Variants in RPS6KA2 observed in about 807,000 individuals in gnomAD.
RPS6KA2 encodes the protein ribosomal protein S6 kinase alpha-2.
Under a neutral mutation model 91.8 loss-of-function variants are expected in RPS6KA2, and 42 were observed. The observed-to-expected ratio is 0.46, with a 90% CI of 0.36 to 0.59. RPS6KA2 has a LOEUF of 0.59. Ranked by LOEUF, RPS6KA2 falls within the 20% of genes least tolerant of loss-of-function variation. RPS6KA2 has a pLI of 0.00. For synonymous variants in RPS6KA2, 414 were observed against 393.6 expected (o/e 1.05, Z -0.61); for missense variants, 798 against 978.5 (o/e 0.82, Z 2.46).
At chr6:166,613,888 C>CGGGCTTTCCATGGCCTTCAGGACACAGTT (rs1786296373) in intron 1 of RPS6KA2, among the ~76,000 whole-genome samples, 1 of 151,252 alleles carries the variant, frequency 6.6e-6, no homozygotes, top group Admixed American at 6.6e-5. Context: ...AGGACACAGT[C>CGGGCTTTCCATGGCCTTCAGGACACAGTT]GGGCTTTCCA....
Position 166,411,199 on chromosome 6 carries a change from C to T in RPS6KA2, c.*1563G>A, listed in dbSNP as rs1183378236. The T allele has an allele frequency of 8.6e-5, 13 of 150,982 alleles. No individual in the cohort carries two copies. Among genetic ancestry groups the T allele is most frequent in the African/African-American group, 2.4e-4 (10 of 40,902 alleles). 9.4% of individuals were successfully genotyped at this position (150,982 alleles called of 1,614,324 possible). ...CAAGCTAAGGAGTTATTTTTCAGAA[C>T]GCAGCACATTTTTTCTTTATTTTTT... On this transcript the variant is annotated 3_prime_UTR_variant, in exon 21 of 21. Coordinates refer to ENST00000265678, the MANE Select transcript of RPS6KA2 (RefSeq NM_021135.6). The surrounding 1 kb of genome is among the most constrained non-coding windows in gnomAD (Gnocchi z 4.5).
At chr6:166,571,460 A>C (rs1784684119) in intron 1 of RPS6KA2, among the ~76,000 whole-genome samples, 1 of 152,262 alleles carries the variant, frequency 6.6e-6, no homozygotes, top group Non-Finnish European at 1.5e-5. Flanking sequence ...TGAAAAAGCC[A>C]ATGACAAACA....
At chr6:166,529,687 G>C (rs930094414) in intron 3 of RPS6KA2, among the ~76,000 whole-genome samples, 11 of 152,188 alleles carry the variant, frequency 7.2e-5, no homozygotes, top group Admixed American at 4.6e-4. Context: ...TTTTGTGTAC[G>C]TAAGAATTAC....
intron 2 of RPS6KA2, among the ~76,000 whole-genome samples, chr6:166,744,193 A>G (rs1393716404): frequency 1.3e-5 from 2 of 152,114 alleles, no homozygotes; most frequent in African/African-American, 2.4e-5. Context: ...CCATCCACCG[A>G]CCTGGATTTT....
At chr6:166,599,905 C>A (rs1359172357) in intron 1 of RPS6KA2, among the ~76,000 whole-genome samples, 2 of 152,172 alleles carry the variant, frequency 1.3e-5, no homozygotes, top group African/African-American at 4.8e-5. Flanking sequence ...TCTCCCTGAG[C>A]CCTGCCTGAT....
intron 10 of RPS6KA2, 31 bp from the exon 11 acceptor site, chr6:166,469,936 C>CA (rs1780697364): frequency 6.3e-7 from 1 of 1,592,208 alleles, no homozygotes; most frequent in Non-Finnish European, 8.6e-7. Flanking sequence ...ATCATCAGAA[C>CA]AAATCCAAGA....
At position 166,533,965 on chromosome 6, in the gene RPS6KA2, G is replaced by A. The variant is rs1206818150; in HGVS notation, c.217-2652C>T. Among the ~76,000 whole-genome samples the A allele has an allele frequency of 2.0e-5, 3 of 152,146 alleles. No individual in the cohort carries two copies. The highest frequency in any genetic ancestry group is 7.2e-5 in the African/African-American group (3 of 41,438). On this transcript the variant is annotated intron_variant, in intron 2 of 20. Transcript: ENST00000265678. The surrounding 1 kb of genome is among the most constrained non-coding windows in gnomAD (Gnocchi z 4.0). The stretch of plus-strand genomic sequence containing the variant: ...GGGCTGGGTGCGGTGGCTCACGCCT[G>A]TAATCCCAGCACTTTGGGAGGCCGA...
intron 2 of RPS6KA2, among the ~76,000 whole-genome samples, chr6:166,791,764 C>G (rs1203697449): frequency 6.6e-6 from 1 of 151,364 alleles, no homozygotes; most frequent in African/African-American, 2.5e-5. Context: ...CTTGAATGAC[C>G]ACTGGGTACA....
chr6:166,575,483 GAAA>G (rs1325689275), intron 1 of RPS6KA2, among the ~76,000 whole-genome samples: 1 of 152,078 alleles, frequency 6.6e-6, no homozygotes, highest in Non-Finnish European at 1.5e-5. Context: ...TTCCAGAAGG[GAAA>G]AAAGCCAGCT....
At chr6:166,606,827 G>A (rs1785970310) in intron 1 of RPS6KA2, among the ~76,000 whole-genome samples, 1 of 152,086 alleles carries the variant, frequency 6.6e-6, no homozygotes, top group African/African-American at 2.4e-5. Context: ...TTCAAAAGGT[G>A]AACAATAACA....
chr6:166,452,376 C>A (rs1459178795), intron 12 of RPS6KA2, among the ~76,000 whole-genome samples: 1 of 152,038 alleles, frequency 6.6e-6, no homozygotes, highest in African/African-American at 2.4e-5. Flanking sequence ...GAATTAATAT[C>A]ATCAAAATGA....
At chr6:166,802,625 A>G (rs963232722) in intron 2 of RPS6KA2, among the ~76,000 whole-genome samples, 8 of 152,160 alleles carry the variant, frequency 5.3e-5, no homozygotes, top group African/African-American at 1.9e-4. Flanking sequence ...CATCCCTCTG[A>G]GGGGACTGTG....
chr6:166,550,869 CGG>C lies in RPS6KA2; in HGVS notation c.100-12087_100-12086del, dbSNP rs1263917168. On this transcript the variant is annotated intron_variant, in intron 1 of 20. Coordinates refer to ENST00000265678, the MANE Select transcript of RPS6KA2 (RefSeq NM_021135.6). ...ACAAAAAATTAGCCAGGCGTGGTGG[CGG>C]GCGCCTGTAGTCCCAGCTACTCGGG... is the stretch of plus-strand genomic sequence containing the variant. 2.6e-5 allele frequency among the ~76,000 whole-genome samples: 4 copies of C among 151,714 alleles called. No homozygotes were observed. The South Asian group carries it at 6.3e-4, about 24-fold the overall frequency.
At chr6:166,489,073 A>G in intron 9 of RPS6KA2, 152 bp from the exon 10 acceptor site, 1 of 588,944 alleles carries the variant, frequency 1.7e-6, no homozygotes, top group Non-Finnish European at 3.0e-6. Context: ...TTATGCTTTA[A>G]AAGTTACTGA....
intron 1 of RPS6KA2, among the ~76,000 whole-genome samples, chr6:166,858,475 T>G (rs1369370768): frequency 4.6e-5 from 7 of 152,210 alleles, no homozygotes; most frequent in Non-Finnish European, 1.0e-4. Flanking sequence ...AGGTGGTAAG[T>G]AAGGCAAGGA....
At chr6:166,837,496 C>A (rs1256840205) in intron 2 of RPS6KA2, among the ~76,000 whole-genome samples, 1 of 152,226 alleles carries the variant, frequency 6.6e-6, no homozygotes, top group Non-Finnish European at 1.5e-5. Context: ...CAGGGTGGAC[C>A]TCTGTGTCTG....
intron 1 of RPS6KA2, among the ~76,000 whole-genome samples, chr6:166,561,221 G>T (rs1784333349): frequency 6.6e-6 from 1 of 152,118 alleles, no homozygotes; most frequent in Non-Finnish European, 1.5e-5. Flanking sequence ...CAGCGGGCAG[G>T]AGCCCTGACC....
rs558285506 is a variant in RPS6KA2, at chr6:166,409,766, G to A, written c.*2996C>T. 2.0e-5 allele frequency: 3 copies of A among 152,742 alleles called. No individual in the cohort carries two copies. In the East Asian group the frequency reaches 5.8e-4, roughly 29 times the overall value. The allele number at this position is 152,742 out of a possible 1,614,324, so 9.5% of individuals were successfully genotyped here. ...ATGAACGGAGTGCAAATCAAACTTT[G>A]CCATGTGCTTGAGAGAATCAGTAAA... On this transcript the variant is annotated 3_prime_UTR_variant, in exon 21 of 21. Coordinates refer to ENST00000265678, the MANE Select transcript of RPS6KA2 (RefSeq NM_021135.6).
intron 2 of RPS6KA2, among the ~76,000 whole-genome samples, chr6:166,838,978 C>T (rs116949903): frequency 2.5e-4 from 38 of 152,272 alleles, no homozygotes; most frequent in Non-Finnish European, 5.1e-4. Flanking sequence ...AGGAAAGGGC[C>T]GTGAGCAAAG....
Sources: gnomAD v4.1 joint callset for allele counts (sites outside exome capture counted in the v4.1 genomes callset) on GRCh38, gnomAD v4.1.1 for gene constraint, Gnocchi (gnomAD v3.1) non-coding constraint, MANE v1.5 for transcripts, NCBI Gene and HGNC (gene_info 2026-07-23, HGNC 2026-07-21) for gene names.